The following RIPOR2 variants were observed in gnomAD, a reference collection of about 807,000 sequenced individuals.
The protein encoded by RIPOR2 is RHO family interacting cell polarization regulator 2, also known as rho family-interacting cell polarization regulator 2.
In RIPOR2, 39 loss-of-function variants were observed where a neutral mutation model predicts 114.5. The observed-to-expected ratio is 0.34, with a 90% CI of 0.26 to 0.44. The LOEUF is 0.44. RIPOR2 is among the 20% of genes least tolerant of loss of function. The probability of loss-of-function intolerance (pLI) is 1.00; values close to 1 mark genes in which losing one functional copy is unlikely to be tolerated. For missense variants in RIPOR2, 1,007 were observed against 1,255.1 expected (o/e 0.80, Z 2.99); for synonymous variants, 445 against 484.4 (o/e 0.92, Z 1.07).
chr6:24,961,660 C>T (rs1184439044), intron 1 of RIPOR2, among the ~76,000 whole-genome samples: 1 of 149,258 alleles, frequency 6.7e-6, no homozygotes, highest in Non-Finnish European at 1.5e-5. Context: ...GACAGTCTCG[C>T]TCTGTCACCC....
At chr6:24,984,349 C>T (rs1193868800) in intron 1 of RIPOR2, among the ~76,000 whole-genome samples, 4 of 152,024 alleles carry the variant, frequency 2.6e-5, no homozygotes, top group South Asian at 4.1e-4. Flanking sequence ...CCATGTTTTG[C>T]GGGCAGGGGT....
intron 1 of RIPOR2, among the ~76,000 whole-genome samples, chr6:24,990,157 T>C (rs968483162): frequency 1.3e-5 from 2 of 152,356 alleles, no homozygotes; most frequent in African/African-American, 4.8e-5. Flanking sequence ...TTTTCTCAAA[T>C]GAAAGAGTTG....
intron 1 of RIPOR2, among the ~76,000 whole-genome samples, chr6:24,971,194 C>T (rs918667509): frequency 1.3e-5 from 2 of 152,212 alleles, no homozygotes; most frequent in African/African-American, 2.4e-5. Flanking sequence ...TGACTCCTTC[C>T]ATTCAGAATG....
intron 1 of RIPOR2, among the ~76,000 whole-genome samples, chr6:25,020,719 A>G (rs1471545564): frequency 6.6e-6 from 1 of 152,222 alleles, no homozygotes; most frequent in Admixed American, 6.5e-5. Flanking sequence ...TTCAATGTCC[A>G]AAATTAGATA....
intron 1 of RIPOR2, among the ~76,000 whole-genome samples, chr6:24,897,201 G>T (rs1424502290): frequency 6.6e-6 from 1 of 152,238 alleles, no homozygotes; most frequent in Non-Finnish European, 1.5e-5. Flanking sequence ...ATGTGAACTA[G>T]GCAATGTCTT....
intron 1 of RIPOR2, among the ~76,000 whole-genome samples, chr6:24,985,768 A>G (rs1774503572): frequency 6.6e-6 from 1 of 151,964 alleles, no homozygotes; most frequent in Admixed American, 6.6e-5. Context: ...GGGTACTTGC[A>G]TGTAGCCAAC....
chr6:25,040,635 C>A (rs567521130), intron 1 of RIPOR2, among the ~76,000 whole-genome samples: 172 of 150,502 alleles, frequency 1.1e-3, no homozygotes, highest in African/African-American at 3.8e-3. Flanking sequence ...TGTTGTTGCC[C>A]AGGCTAGAGT....
chr6:24,925,811 C>T (rs1770824420), intron 1 of RIPOR2, among the ~76,000 whole-genome samples: 1 of 152,152 alleles, frequency 6.6e-6, no homozygotes, highest in South Asian at 2.1e-4. Flanking sequence ...TTATGAGTGG[C>T]ACTCAATAAA....
intron 1 of RIPOR2, among the ~76,000 whole-genome samples, chr6:24,915,614 C>T (rs144971140): frequency 0.025 from 3,745 of 152,310 alleles, 153 homozygotes; most frequent in African/African-American, 0.081. Flanking sequence ...CCACCTGCCT[C>T]GGCCTCCCGA....
intron 1 of RIPOR2, among the ~76,000 whole-genome samples, chr6:24,946,383 C>A (rs931604156): frequency 6.6e-6 from 1 of 152,078 alleles, no homozygotes; most frequent in Non-Finnish European, 1.5e-5. Flanking sequence ...CCAACCGTCT[C>A]ATTTTTAAAG....
intron 1 of RIPOR2, among the ~76,000 whole-genome samples, chr6:25,030,281 A>T (rs889301279): frequency 5.3e-5 from 8 of 152,148 alleles, no homozygotes; most frequent in African/African-American, 1.9e-4. Flanking sequence ...CTGATTGAAT[A>T]AACTGTCCCT....
intron 13 of RIPOR2, chr6:24,839,738 G>A: frequency 7.0e-7 from 1 of 1,436,720 alleles, no homozygotes; most frequent in Non-Finnish European, 9.1e-7. Flanking sequence ...AATACCACAA[G>A]CAGACAAATT....
chr6:24,972,274 A>G (rs1773823557), intron 1 of RIPOR2, among the ~76,000 whole-genome samples: 1 of 152,248 alleles, frequency 6.6e-6, no homozygotes, highest in African/African-American at 2.4e-5. Context: ...AGTGAAACTC[A>G]ATGTAAAAGT....
intron 1 of RIPOR2, among the ~76,000 whole-genome samples, chr6:24,933,718 A>C (rs1771561858): frequency 6.6e-6 from 1 of 152,180 alleles, no homozygotes; most frequent in South Asian, 2.1e-4. Context: ...TTCACCATTG[A>C]GGAGACCAAA....
chr6:24,989,388 T>A (rs1435027882), intron 1 of RIPOR2, among the ~76,000 whole-genome samples: 5 of 151,696 alleles, frequency 3.3e-5, no homozygotes, highest in Admixed American at 3.3e-4. Context: ...CTCCGCCTCC[T>A]GGGTTTGAGT....
intron 14 of RIPOR2, among the ~76,000 whole-genome samples, chr6:24,838,759 A>T (rs1252602773): frequency 6.6e-6 from 1 of 152,102 alleles, no homozygotes; most frequent in South Asian, 2.1e-4. Context: ...GCACCACTGC[A>T]CTCCAGCCTG....
chr6:24,888,727 A>C (rs2747678), intron 1 of RIPOR2, among the ~76,000 whole-genome samples: 17,605 of 152,266 alleles, frequency 0.12, 1,534 homozygotes, highest in African/African-American at 0.25. Context: ...AAATAATCTT[A>C]AATGAAAGCT....
chr6:24,915,023 T>C (rs1403708223), intron 1 of RIPOR2, among the ~76,000 whole-genome samples: 1 of 152,224 alleles, frequency 6.6e-6, no homozygotes, highest in East Asian at 1.9e-4. Flanking sequence ...CTGTGTCTAT[T>C]GTTCTGGTGA....
At chr6:24,904,056 A>T (rs1768729583) in intron 1 of RIPOR2, among the ~76,000 whole-genome samples, 1 of 152,176 alleles carries the variant, frequency 6.6e-6, no homozygotes, top group South Asian at 2.1e-4. Context: ...TCCATGTGTG[A>T]GTTGGGGTCT....
Sources: allele counts gnomAD v4.1 joint callset (sites outside exome capture counted in the v4.1 genomes callset), GRCh38; gene constraint gnomAD v4.1.1; transcripts MANE v1.5; gene names NCBI Gene and HGNC (gene_info 2026-07-23, HGNC 2026-07-21).